The following TNIK variants were observed in gnomAD, a reference collection of about 807,000 sequenced individuals.
TNIK encodes TRAF2 and NCK interacting kinase, also known as TRAF2 and NCK-interacting protein kinase.
TNIK carries 49 observed loss-of-function variants against 191.3 expected under a neutral mutation model. The ratio of observed to expected loss-of-function variants is 0.26; its 90% CI spans 0.20 to 0.32. The LOEUF (loss-of-function observed/expected upper bound fraction) is 0.32, where lower values mean the gene tolerates loss of function less well. TNIK is among the 10% of genes least tolerant of loss of function. The pLI is 1.00. For missense variants in TNIK, 1,155 were observed against 1,702.3 expected (o/e 0.68, Z 5.66); for synonymous variants, 594 against 600.9 (o/e 0.99, Z 0.17).
chr3:171,089,850 A>T (rs1721839018), intron 23 of TNIK, among the ~76,000 whole-genome samples: 2 of 152,160 alleles, frequency 1.3e-5, no homozygotes, highest in Non-Finnish European at 2.9e-5. Flanking sequence ...CACTTTATAT[A>T]TGACATTCCA....
intron 16 of TNIK, among the ~76,000 whole-genome samples, chr3:171,127,440 TAAAAA>T (rs540160648): frequency 6.6e-6 from 1 of 151,078 alleles, no homozygotes; most frequent in African/African-American, 2.4e-5. Flanking sequence ...AATAAAAAAA[TAAAAA>T]AAACCACACC....
At chr3:171,250,496 A>G (rs1387183653) in intron 2 of TNIK, among the ~76,000 whole-genome samples, 1 of 152,208 alleles carries the variant, frequency 6.6e-6, no homozygotes. Flanking sequence ...ATTAGAAATG[A>G]AGAATATTAG....
intron 11 of TNIK, among the ~76,000 whole-genome samples, 170 bp from the exon 12 acceptor site, chr3:171,157,834 C>T (rs1378506510): frequency 1.3e-5 from 2 of 152,186 alleles, no homozygotes; most frequent in African/African-American, 4.8e-5. Context: ...GAAACAGCAT[C>T]AGGATAAGAG....
chr3:171,270,945 A>G (rs1233379464), intron 2 of TNIK, among the ~76,000 whole-genome samples: 4 of 152,234 alleles, frequency 2.6e-5, no homozygotes, highest in East Asian at 1.9e-4. Flanking sequence ...TCATTTCACA[A>G]TGGTACTTTG....
rs75762996 is a variant in TNIK at position 171,084,124 on chromosome 3, A to T, written c.3169+31T>A. 2.0e-3 allele frequency: 220 copies of T among 112,772 alleles called. No individual in the cohort carries two copies. The East Asian group carries it at 0.029, about 15-fold the overall frequency. 7.0% of individuals were successfully genotyped at this position (112,772 alleles called of 1,614,324 possible). ...TCAGTTCATTAATGAGTGGTTATTT[A>T]AAAAAAAAAAAAAAAAAAGCACCAA... is the stretch of plus-strand genomic sequence containing the variant. On this transcript the variant is annotated intron_variant, in intron 26 of 32. Coordinates refer to ENST00000436636, the MANE Select transcript of TNIK (RefSeq NM_015028.4).
chr3:171,085,805 C>T (rs534775250), intron 24 of TNIK, among the ~76,000 whole-genome samples: 8 of 152,220 alleles, frequency 5.3e-5, no homozygotes, highest in Admixed American at 3.9e-4. Flanking sequence ...TTCCTTCCCA[C>T]GATAGTTTCC....
At chr3:171,194,052 G>A (rs1013151113) in intron 5 of TNIK, among the ~76,000 whole-genome samples, 1 of 152,146 alleles carries the variant, frequency 6.6e-6, no homozygotes, top group Non-Finnish European at 1.5e-5. Context: ...GTATAGGAAT[G>A]ACTAAAGTCA....
chr3:171,220,247 TGG>T lies in TNIK; in HGVS notation c.180+7916_180+7917del, dbSNP rs567627474. 4.6e-5 allele frequency among the ~76,000 whole-genome samples: 7 copies of T among 151,640 alleles called. No homozygotes were observed. In the South Asian group the frequency reaches 1.5e-3, roughly 32 times the overall value. On this transcript the variant is annotated intron_variant, in intron 3 of 32. Coordinates refer to ENST00000436636, the MANE Select transcript of TNIK (RefSeq NM_015028.4). ...TCACACAATGGGGCCTGTCGTGGGG[TGG>T]CGGGCAAGGGGAGGGAGAGCATTAG...
chr3:171,269,935 G>A (rs1433098723), intron 2 of TNIK, among the ~76,000 whole-genome samples: 1 of 152,110 alleles, frequency 6.6e-6, no homozygotes, highest in Non-Finnish European at 1.5e-5. Flanking sequence ...AGAAGTTTAA[G>A]TACACTGAAT....
intron 1 of TNIK, among the ~76,000 whole-genome samples, chr3:171,406,368 G>A (rs148948201): frequency 3.3e-5 from 5 of 152,218 alleles, no homozygotes; most frequent in South Asian, 2.1e-4. Flanking sequence ...CCCAGAGCTC[G>A]GAGGCCATGC....
rs1014434497 is a variant in TNIK at position 171,085,192 on chromosome 3, G to C, written c.2924C>G (p.Pro975Arg). 3.1e-6 allele frequency: 5 copies of C among 1,611,718 alleles called. No homozygotes were observed. The highest frequency in any genetic ancestry group is 4.2e-6 in the Non-Finnish European group (5 of 1,178,948). The change falls in exon 25 of 33, where the codon CCC (proline) becomes CGC (arginine). Residue 975 changes from proline to arginine, a missense_variant. Pro to Arg is a moderately radical substitution (Grantham distance 103). Transcript: ENST00000436636. ...MGSSTKASFT[P>R]FVDPRVYQTS... ...CTGGTATACTCTGGGGTCCACAAAG[G>C]GGGTGAAGGAGGCTTTGGTGCTGCT...
chr3:171,103,934 A>G (rs1724104708), intron 21 of TNIK, among the ~76,000 whole-genome samples: 2 of 152,104 alleles, frequency 1.3e-5, no homozygotes, highest in Admixed American at 1.3e-4. Context: ...TTAAAATGAC[A>G]TACATTTTTC....
intron 4 of TNIK, among the ~76,000 whole-genome samples, chr3:171,207,840 G>A (rs921905344): frequency 6.6e-6 from 1 of 152,146 alleles, no homozygotes; most frequent in Admixed American, 6.5e-5. Flanking sequence ...ACCAGGTTTT[G>A]TTCTAACAAT....
chr3:171,356,354 T>C (rs1714068477), intron 2 of TNIK, among the ~76,000 whole-genome samples: 1 of 152,150 alleles, frequency 6.6e-6, no homozygotes, highest in African/African-American at 2.4e-5. Context: ...TCCTTTTTTG[T>C]AGGTGGAAAA....
intron 2 of TNIK, among the ~76,000 whole-genome samples, chr3:171,314,439 A>C (rs1754376275): frequency 6.6e-6 from 1 of 152,136 alleles, no homozygotes; most frequent in Admixed American, 6.6e-5. Flanking sequence ...GCTGATCCAG[A>C]GGTTCTCCAA....
chr3:171,102,552 C>T (rs918145230), intron 21 of TNIK, among the ~76,000 whole-genome samples: 1 of 152,144 alleles, frequency 6.6e-6, no homozygotes, highest in Non-Finnish European at 1.5e-5. Context: ...CATGGCCGCT[C>T]TAATTTGCAT....
chr3:171,167,040 C>T, intron 10 of TNIK, 55 bp downstream of exon 10: 1 of 1,571,098 alleles, frequency 6.4e-7, no homozygotes, highest in Non-Finnish European at 8.6e-7. Context: ...CATCAAGCGC[C>T]CATGATTCAC....
chr3:171,311,462 C>G (rs935156116), intron 2 of TNIK, among the ~76,000 whole-genome samples: 1 of 152,138 alleles, frequency 6.6e-6, no homozygotes, highest in African/African-American at 2.4e-5. Flanking sequence ...GCATCCATCA[C>G]TTGTAGTACA....
intron 1 of TNIK, among the ~76,000 whole-genome samples, chr3:171,372,166 C>G (rs186581014): frequency 1.3e-5 from 2 of 152,306 alleles, no homozygotes; most frequent in East Asian, 1.9e-4. Flanking sequence ...GCTCTTTTCT[C>G]TCCTTGAATA....
Sources: allele counts gnomAD v4.1 joint callset (sites outside exome capture counted in the v4.1 genomes callset), GRCh38; gene constraint gnomAD v4.1.1; transcripts MANE v1.5; gene names NCBI Gene and HGNC (gene_info 2026-07-23, HGNC 2026-07-21).